IL19: variants seen among roughly 807,000 people sequenced by gnomAD.
IL19 encodes interleukin 19.
A neutral mutation model predicts 19.5 loss-of-function variants in IL19; 15 were observed. The observed-to-expected ratio is 0.77, with a 90% confidence interval of 0.52 to 1.19. The LOEUF (loss-of-function observed/expected upper bound fraction) is 1.19, where lower values mean the gene tolerates loss of function less well. IL19 is among the 50% of genes most tolerant of loss of function. The pLI is 0.00. For missense variants in IL19, 199 were observed against 213.1 expected (o/e 0.93, Z 0.41); for synonymous variants, 78 against 78.3 (o/e 1.00, Z 0.02).
intron 2 of IL19, among the ~76,000 whole-genome samples, chr1:206,804,293 TC>T (rs1411362576): frequency 6.6e-6 from 1 of 152,330 alleles, no homozygotes; most frequent in East Asian, 1.9e-4. Flanking sequence ...CAAAGAGGGT[TC>T]CTGTGCTGGG....
intron 2 of IL19, among the ~76,000 whole-genome samples, chr1:206,805,327 A>T (rs184408024): frequency 3.9e-5 from 6 of 152,366 alleles, no homozygotes; most frequent in Admixed American, 3.3e-4. Flanking sequence ...GAGGCTATAA[A>T]GACAAAGCAG....
chr1:206,771,338 C>G, intron 1 of IL19: 1 of 1,610,542 alleles, frequency 6.2e-7, no homozygotes, highest in Non-Finnish European at 8.5e-7. Flanking sequence ...TCCCCCAGCA[C>G]CCCGCCCCTG....
chr1:206,821,478 T>A (rs557914895), intron 2 of IL19, among the ~76,000 whole-genome samples: 1 of 152,200 alleles, frequency 6.6e-6, no homozygotes, highest in Non-Finnish European at 1.5e-5. Context: ...TGCTCTCCCA[T>A]TAGGGTTTTT....
chr1:206,796,647 A>G (rs753279671), intron 1 of IL19, among the ~76,000 whole-genome samples: 6 of 152,168 alleles, frequency 3.9e-5, no homozygotes, highest in Non-Finnish European at 5.9e-5. Context: ...AATTGTCTGC[A>G]ATATTCAGTA....
intron 1 of IL19, among the ~76,000 whole-genome samples, chr1:206,783,843 C>G (rs1014345105): frequency 8.5e-5 from 13 of 152,280 alleles, no homozygotes; most frequent in African/African-American, 3.1e-4. Flanking sequence ...GCGGCAGTAT[C>G]TATATACAAT....
At chr1:206,819,554 C>G (rs116512761) in intron 2 of IL19, among the ~76,000 whole-genome samples, 5,856 of 150,232 alleles carry the variant, frequency 0.039, 186 homozygotes, top group East Asian at 0.094. Flanking sequence ...CTAACTCTAC[C>G]CTGGGTGACA....
chr1:206,811,658 T>C (rs1235719025), intron 2 of IL19, among the ~76,000 whole-genome samples: 2 of 152,164 alleles, frequency 1.3e-5, no homozygotes, highest in Admixed American at 1.3e-4. Context: ...GGATGAGGAC[T>C]ATGCATGGAT....
chr1:206,842,420 A>G, intron 6 of IL19, 107 bp from the exon 7 acceptor site: 1 of 689,888 alleles, frequency 1.4e-6, no homozygotes, highest in Non-Finnish European at 2.5e-6. Context: ...TGACAAAAAA[A>G]CAAAAACAGA....
chr1:206,775,040 T>C (rs1674956412), intron 1 of IL19, among the ~76,000 whole-genome samples: 1 of 150,966 alleles, frequency 6.6e-6, no homozygotes, highest in Non-Finnish European at 1.5e-5. Flanking sequence ...GGTTAGGATC[T>C]GACTTCTTTT....
intron 2 of IL19, among the ~76,000 whole-genome samples, chr1:206,835,139 CAA>C (rs1419733709): frequency 8.5e-5 from 13 of 152,202 alleles, no homozygotes; most frequent in African/African-American, 2.4e-4. Context: ...ACAAAATGCG[CAA>C]GTCTCCTGGC....
intron 2 of IL19, among the ~76,000 whole-genome samples, chr1:206,800,710 T>C (rs1329859865): frequency 6.6e-6 from 1 of 152,212 alleles, no homozygotes; most frequent in African/African-American, 2.4e-5. Flanking sequence ...GTGAAAGAGC[T>C]GCTGTGTCTG....
intron 2 of IL19, among the ~76,000 whole-genome samples, chr1:206,813,480 C>T (rs1248379288): frequency 6.6e-6 from 1 of 152,144 alleles, no homozygotes; most frequent in Non-Finnish European, 1.5e-5. Context: ...GCCAGTGTCT[C>T]TTCTGCAGAG....
At chr1:206,824,467 T>A (rs1676378759) in intron 2 of IL19, among the ~76,000 whole-genome samples, 1 of 152,234 alleles carries the variant, frequency 6.6e-6, no homozygotes, top group Non-Finnish European at 1.5e-5. Flanking sequence ...GTGAGTTAAG[T>A]TTATGTTTCT....
At chr1:206,813,549 A>T (rs1251923290) in intron 2 of IL19, among the ~76,000 whole-genome samples, 1 of 152,202 alleles carries the variant, frequency 6.6e-6, no homozygotes, top group African/African-American at 2.4e-5. Flanking sequence ...GCACTGGCCA[A>T]GCAATGCCTC....
At chr1:206,805,232 C>T (rs566336831) in intron 2 of IL19, among the ~76,000 whole-genome samples, 3 of 152,252 alleles carry the variant, frequency 2.0e-5, no homozygotes, top group South Asian at 4.1e-4. Context: ...TGTACTGATC[C>T]GTTTACATGT....
At chr1:206,830,880 G>T (rs971979927) in intron 2 of IL19, among the ~76,000 whole-genome samples, 5 of 152,040 alleles carry the variant, frequency 3.3e-5, no homozygotes, top group African/African-American at 1.2e-4. Flanking sequence ...CCTGGCCTAC[G>T]TTTCTTTTTT....
chr1:206,816,726 T>C (rs993189600), intron 2 of IL19, among the ~76,000 whole-genome samples: 1 of 151,962 alleles, frequency 6.6e-6, no homozygotes, highest in Non-Finnish European at 1.5e-5. Context: ...AATATGACCA[T>C]TAAAAAGGAG....
Position 206,798,895 on chromosome 1 carries a change from ATG to A in IL19, c.-111_-110del, listed in dbSNP as rs1388218082. 4 of 1,607,790 alleles carry A rather than the reference ATG, an allele frequency of 2.5e-6. No individual in the cohort carries two copies. The South Asian group carries it at 3.3e-5, about 13-fold the overall frequency. On this transcript the variant is annotated 5_prime_UTR_variant, in exon 2 of 7. It introduces an in-frame stop codon into an upstream open reading frame of the 5' UTR. Transcript: ENST00000659997. ...TGCACACACTGACAGGAGTCCAAGA[ATG>A]TGCACTGAGGGAGCGTTTCCGCACA...
At chr1:206,819,409 C>G (rs955392714) in intron 2 of IL19, among the ~76,000 whole-genome samples, 1 of 151,788 alleles carries the variant, frequency 6.6e-6, no homozygotes, top group Non-Finnish European at 1.5e-5. Flanking sequence ...TATGGTGAAA[C>G]CCCATCTCTA....
Sources: gnomAD v4.1 joint callset for allele counts (sites outside exome capture counted in the v4.1 genomes callset) on GRCh38, gnomAD v4.1.1 for gene constraint, MANE v1.5 for transcripts, NCBI Gene and HGNC (gene_info 2026-07-23, HGNC 2026-07-21) for gene names.